The following SUSD1 variants were observed in gnomAD, a reference collection of about 807,000 sequenced individuals.
SUSD1 encodes sushi domain-containing protein 1.
A neutral mutation model predicts 86.9 loss-of-function variants in SUSD1; 65 were observed. The observed-to-expected ratio is 0.75, with a 90% CI of 0.61 to 0.92. SUSD1 has a LOEUF of 0.92. Ranked by LOEUF, SUSD1 falls within the 40% of genes least tolerant of loss-of-function variation. The pLI, the probability that SUSD1 is intolerant of heterozygous loss-of-function variation, is 0.00. For missense variants in SUSD1, 850 were observed against 929.7 expected (o/e 0.91, Z 1.11); for synonymous variants, 346 against 350.0 (o/e 0.99, Z 0.13).
At chr9:112,088,754 T>C (rs1336636694) in intron 10 of SUSD1, among the ~76,000 whole-genome samples, 1 of 152,138 alleles carries the variant, frequency 6.6e-6, no homozygotes, top group Non-Finnish European at 1.5e-5. Context: ...ATCATGCCAC[T>C]GTACTTCAGC....
intron 3 of SUSD1, among the ~76,000 whole-genome samples, chr9:112,146,880 C>T (rs1254957790): frequency 6.6e-6 from 1 of 152,208 alleles, no homozygotes; most frequent in Non-Finnish European, 1.5e-5. Flanking sequence ...AAGTGATCCT[C>T]CAGCCTTGGC....
chr9:112,053,129 C>T (rs148779852), intron 14 of SUSD1, among the ~76,000 whole-genome samples: 7 of 152,228 alleles, frequency 4.6e-5, no homozygotes, highest in Non-Finnish European at 1.0e-4. Context: ...GAGGATCCTT[C>T]CAATGTCATT....
intron 6 of SUSD1, among the ~76,000 whole-genome samples, chr9:112,117,434 T>A (rs1831372871): frequency 6.6e-6 from 1 of 152,178 alleles, no homozygotes; most frequent in South Asian, 2.1e-4. Flanking sequence ...CCCCACAGTG[T>A]CCAGCTGAAG....
intron 12 of SUSD1, among the ~76,000 whole-genome samples, chr9:112,068,596 T>G (rs1263501768): frequency 6.6e-6 from 1 of 151,296 alleles, no homozygotes; most frequent in African/African-American, 2.4e-5. Flanking sequence ...CAGCTACTCA[T>G]GAGGCCAAGG....
chr9:112,103,785 C>T (rs868639864), intron 8 of SUSD1, among the ~76,000 whole-genome samples: 1 of 152,162 alleles, frequency 6.6e-6, no homozygotes, highest in Non-Finnish European at 1.5e-5. Flanking sequence ...AAGAAAGACC[C>T]TAAGACCTAC....
In SUSD1 at chr9:112,171,912, G is replaced by A. The variant is rs184584797; in HGVS notation, c.103+3221C>T. Among the ~76,000 whole-genome samples, 7 of 152,014 alleles carry A rather than the reference G, an allele frequency of 4.6e-5. No individual in the cohort carries two copies. The East Asian group carries it at 7.7e-4, about 17-fold the overall frequency. On this transcript the variant is annotated intron_variant, in intron 1 of 16. Coordinates refer to ENST00000374270, the MANE Select transcript of SUSD1 (RefSeq NM_022486.5). ...AATTTCTTTAAAGAGTATCTACTCC[G>A]AGGCCAGGAGCAGTGGCTTATGCCT...
At chr9:112,059,072 G>T (rs895440318) in intron 13 of SUSD1, among the ~76,000 whole-genome samples, 3 of 152,202 alleles carry the variant, frequency 2.0e-5, no homozygotes, top group Admixed American at 1.3e-4. Flanking sequence ...GATTACAGGC[G>T]TGAGCCACTG....
intron 15 of SUSD1, among the ~76,000 whole-genome samples, chr9:112,049,289 A>G (rs1450367038): frequency 3.3e-5 from 5 of 152,240 alleles, no homozygotes; most frequent in African/African-American, 1.2e-4. Flanking sequence ...TTCCCCGATT[A>G]CAGCTTATTA....
In SUSD1 at chr9:112,049,625, C is replaced by T. The variant is rs370073431; in HGVS notation, c.2149+2774G>A. On this transcript the variant is annotated intron_variant, in intron 15 of 16. Transcript: ENST00000374270. Reference sequence around the variant, plus strand: ...GGGGCTGAGCCTTGGCACGAGTGAACTGGCACGATTTCAGGACTAATTTAG... The same window carrying T: ...GGGGCTGAGCCTTGGCACGAGTGAATTGGCACGATTTCAGGACTAATTTAG... Among the ~76,000 whole-genome samples the T allele has an allele frequency of 1.3e-4, 20 of 152,318 alleles. 2 individuals carry two copies. In the East Asian group the frequency reaches 2.1e-3, roughly 16 times the overall value.
At position 112,157,932 on chromosome 9, in the gene SUSD1, T is replaced by G. The variant is rs375145085; in HGVS notation, c.104-319A>C. Among the ~76,000 whole-genome samples, 4 of 150,716 alleles carry G rather than the reference T, an allele frequency of 2.7e-5. No homozygotes were observed. In the East Asian group the frequency reaches 7.9e-4, roughly 30 times the overall value. ...TCAACCTCCTGGGAGAAGGTGAACC[T>G]CCCACCTCAGCCTCCCAAGTAGCTG... On this transcript the variant is annotated intron_variant, in intron 1 of 16. Coordinates refer to ENST00000374270, the MANE Select transcript of SUSD1 (RefSeq NM_022486.5).
intron 12 of SUSD1, among the ~76,000 whole-genome samples, chr9:112,065,054 A>G (rs890226722): frequency 6.6e-6 from 1 of 152,218 alleles, no homozygotes; most frequent in African/African-American, 2.4e-5. Context: ...AAATTGATAC[A>G]TGACAGATTG....
chr9:112,151,863 C>T (rs1468912199), intron 2 of SUSD1, among the ~76,000 whole-genome samples: 6 of 151,716 alleles, frequency 4.0e-5, no homozygotes, highest in African/African-American at 9.7e-5. Flanking sequence ...GGAGAAACCC[C>T]GTCTCTACTA....
chr9:112,108,748 A>C (rs1454605385), intron 8 of SUSD1, among the ~76,000 whole-genome samples: 2 of 148,200 alleles, frequency 1.3e-5, no homozygotes, highest in Non-Finnish European at 3.0e-5. Context: ...ACTGCACTGC[A>C]ACCTGGGTGA....
chr9:112,086,560 AAGAGAGAG>A (rs71382404), intron 10 of SUSD1, among the ~76,000 whole-genome samples: 4,395 of 136,248 alleles, frequency 0.032, 225 homozygotes, highest in African/African-American at 0.12. Context: ...GAAAGAAAGA[AAGAGAGAG>A]AGAGAGAGAG....
At chr9:112,044,339 G>A (rs7850489) in intron 15 of SUSD1, among the ~76,000 whole-genome samples, 11,335 of 152,244 alleles carry the variant, frequency 0.074, 543 homozygotes, top group South Asian at 0.14. Flanking sequence ...CTGCCTGTGT[G>A]ACTTTGTGCA....
At chr9:112,078,410 G>A (rs975780279) in intron 12 of SUSD1, 128 bp downstream of exon 12, 2 of 897,808 alleles carry the variant, frequency 2.2e-6, no homozygotes, top group Non-Finnish European at 3.3e-6. Flanking sequence ...CCAATTCCAT[G>A]TCCTTCCTCC....
chr9:112,070,428 G>A (rs1234538397), intron 12 of SUSD1, among the ~76,000 whole-genome samples: 4 of 152,176 alleles, frequency 2.6e-5, no homozygotes, highest in African/African-American at 9.7e-5. Context: ...AATTTTCCAA[G>A]GTGCTCTTCC....
intron 2 of SUSD1, 69 bp downstream of exon 2, chr9:112,157,431 A>C: frequency 1.8e-6 from 2 of 1,118,284 alleles, no homozygotes; most frequent in Non-Finnish European, 2.6e-6. Flanking sequence ...AAGGACATCA[A>C]CTCTTTAATA....
At chr9:112,147,005 A>C (rs1370923013) in intron 3 of SUSD1, among the ~76,000 whole-genome samples, 1 of 152,202 alleles carries the variant, frequency 6.6e-6, no homozygotes, top group East Asian at 1.9e-4. Flanking sequence ...ATACAGTTGT[A>C]AGTTTTCCCT....
Sources: gnomAD v4.1 joint callset for allele counts (sites outside exome capture counted in the v4.1 genomes callset) on GRCh38, gnomAD v4.1.1 for gene constraint, MANE v1.5 for transcripts, NCBI Gene and HGNC (gene_info 2026-07-23, HGNC 2026-07-21) for gene names.